DGKB: variants seen among roughly 807,000 people sequenced by gnomAD.
The protein encoded by DGKB is 90 kDa diacylglycerol kinase.
Under a neutral mutation model 114.3 loss-of-function variants are expected in DGKB, and 67 were observed. The ratio of observed to expected loss-of-function variants is 0.59; its 90% CI spans 0.48 to 0.72. The LOEUF is 0.72. Among genes scored for constraint, DGKB ranks in the 30% least tolerant of loss-of-function variants. DGKB has a pLI of 0.00. For synonymous variants in DGKB, 398 were observed against 323.1 expected (o/e 1.23, Z -2.49); for missense variants, 907 against 975.2 (o/e 0.93, Z 0.93).
rs2128471477 is a variant in DGKB at position 14,771,025 on chromosome 7, C to T, written c.71-13294G>A. Among the ~76,000 whole-genome samples, 2 of 152,150 alleles carry T rather than the reference C, an allele frequency of 1.3e-5. 1 individual carries two copies. The highest frequency in any genetic ancestry group is 4.1e-4 in the South Asian group (2 of 4,824). Reference sequence around the variant, plus strand: ...TGGGGGTATCTGAAGGAACTCCTCACACCTCCACTAACAAGTTTTATTGGG... The same window carrying T: ...TGGGGGTATCTGAAGGAACTCCTCATACCTCCACTAACAAGTTTTATTGGG... On this transcript the variant is annotated intron_variant, in intron 2 of 25. Transcript: ENST00000402815.
intron 1 of DGKB, among the ~76,000 whole-genome samples, chr7:14,901,130 T>C (rs908945386): frequency 6.6e-6 from 1 of 152,188 alleles, no homozygotes; most frequent in Admixed American, 6.6e-5. Context: ...GGATCGCCTA[T>C]AACAAATTGG....
At chr7:14,319,045 C>T (rs1231107762) in intron 23 of DGKB, among the ~76,000 whole-genome samples, 1 of 151,060 alleles carries the variant, frequency 6.6e-6, no homozygotes, top group African/African-American at 2.4e-5. Context: ...GAACAAAAAA[C>T]CAAACACTGC....
At chr7:14,211,301 C>G (rs1025449705) in intron 23 of DGKB, among the ~76,000 whole-genome samples, 1 of 116,276 alleles carries the variant, frequency 8.6e-6, no homozygotes, top group Non-Finnish European at 1.7e-5. Flanking sequence ...GTGATATTTA[C>G]TCTCATGTTT....
chr7:14,585,423 ATG>A (rs1433824723), intron 17 of DGKB, among the ~76,000 whole-genome samples: 1 of 152,050 alleles, frequency 6.6e-6, no homozygotes, highest in Non-Finnish European at 1.5e-5. Flanking sequence ...CATAATCAAC[ATG>A]TGTCTTTCTA....
intron 22 of DGKB, among the ~76,000 whole-genome samples, chr7:14,342,996 G>A (rs1198523193): frequency 2.6e-5 from 4 of 151,600 alleles, no homozygotes; most frequent in Non-Finnish European, 5.9e-5. Flanking sequence ...TATAATTTTA[G>A]GACAAATAGG....
intron 4 of DGKB, among the ~76,000 whole-genome samples, chr7:14,740,992 T>C (rs965241370): frequency 1.3e-5 from 2 of 152,110 alleles, no homozygotes; most frequent in African/African-American, 2.4e-5. Context: ...TCTAGATGAG[T>C]AGCCATTCGT....
chr7:14,580,792 T>C (rs1388383229), intron 19 of DGKB, 70 bp downstream of exon 19: 1 of 1,100,970 alleles, frequency 9.1e-7, no homozygotes, highest in Non-Finnish European at 1.3e-6. Context: ...TTTCTTTTCT[T>C]TTCTTTTTGT....
At chr7:14,961,490 G>C (rs1313122022) in intron 1 of DGKB, among the ~76,000 whole-genome samples, 2 of 152,078 alleles carry the variant, frequency 1.3e-5, no homozygotes, top group African/African-American at 4.8e-5. Flanking sequence ...TGGCAGTCAG[G>C]GCCATGCCTA....
At chr7:14,697,413 TATG>T (rs1824143387) in intron 8 of DGKB, among the ~76,000 whole-genome samples, 4 of 152,134 alleles carry the variant, frequency 2.6e-5, no homozygotes. Flanking sequence ...CATCTTCTTT[TATG>T]GCATGGCATG....
At chr7:14,595,607 T>C (rs1268658190) in intron 17 of DGKB, among the ~76,000 whole-genome samples, 1 of 149,938 alleles carries the variant, frequency 6.7e-6, no homozygotes, top group African/African-American at 2.5e-5. Context: ...TATATAAATA[T>C]GTATAAATAA....
At chr7:14,778,116 C>T (rs1586433655) in intron 2 of DGKB, among the ~76,000 whole-genome samples, 1 of 152,184 alleles carries the variant, frequency 6.6e-6, no homozygotes, top group Non-Finnish European at 1.5e-5. Context: ...GATTACTGAA[C>T]ACCCTGTTCT....
chr7:14,883,537 T>C lies in DGKB; in HGVS notation c.-188+19055A>G, dbSNP rs1854558588. Among the ~76,000 whole-genome samples the C allele has an allele frequency of 1.3e-5, 2 of 151,896 alleles. 1 individual carries two copies. Among genetic ancestry groups the C allele is most frequent in the South Asian group, 4.1e-4 (2 of 4,824 alleles). On this transcript the variant is annotated intron_variant, in intron 1 of 25. Transcript: ENST00000402815. ...GAATACACACATATATACATAGAGA[T>C]AGAGATATAGAGATGATAGAGTTAG...
intron 21 of DGKB, among the ~76,000 whole-genome samples, chr7:14,441,299 G>A (rs748189870): frequency 2.0e-5 from 3 of 152,166 alleles, no homozygotes; most frequent in South Asian, 4.1e-4. Context: ...GAGCCACCAC[G>A]CCCGACCCAT....
chr7:14,791,678 T>C (rs6978851), intron 2 of DGKB, among the ~76,000 whole-genome samples: 55,613 of 151,972 alleles, frequency 0.37, 11,749 homozygotes, highest in African/African-American at 0.59. Flanking sequence ...TACTTGTTAA[T>C]ATAATTATGA....
chr7:14,730,427 G>A (rs552845100), intron 5 of DGKB, among the ~76,000 whole-genome samples: 7 of 152,230 alleles, frequency 4.6e-5, no homozygotes, highest in African/African-American at 1.2e-4. Context: ...GGAACACACC[G>A]CGTGCTATTT....
chr7:14,525,323 G>T (rs892615273), intron 20 of DGKB, among the ~76,000 whole-genome samples: 1 of 152,062 alleles, frequency 6.6e-6, no homozygotes, highest in African/African-American at 2.4e-5. Flanking sequence ...ATCTTCATTT[G>T]TCCCAGGGAA....
At chr7:14,194,499 A>G (rs1784746538) in intron 23 of DGKB, among the ~76,000 whole-genome samples, 1 of 152,152 alleles carries the variant, frequency 6.6e-6, no homozygotes, top group Admixed American at 6.5e-5. Context: ...AATAGTAAAA[A>G]TAATTTTTAA....
chr7:14,499,445 A>G (rs909755314), intron 20 of DGKB, among the ~76,000 whole-genome samples: 14 of 151,742 alleles, frequency 9.2e-5, no homozygotes, highest in African/African-American at 3.4e-4. Context: ...ATCCACAAAA[A>G]CATTATTGGC....
At chr7:14,254,165 A>T (rs1392333241) in intron 23 of DGKB, among the ~76,000 whole-genome samples, 1 of 152,218 alleles carries the variant, frequency 6.6e-6, no homozygotes, top group Non-Finnish European at 1.5e-5. Context: ...CTGAGGCTAC[A>T]GAACCAAGAG....
Sources: gnomAD v4.1 joint callset for allele counts (sites outside exome capture counted in the v4.1 genomes callset) on GRCh38, gnomAD v4.1.1 for gene constraint, MANE v1.5 for transcripts, NCBI Gene and HGNC (gene_info 2026-07-23, HGNC 2026-07-21) for gene names.